Variants in AGBL4 observed in about 807,000 individuals in gnomAD.
The protein encoded by AGBL4 is cytosolic carboxypeptidase 6.
AGBL4 carries 58 observed loss-of-function variants against 66.4 expected under a neutral mutation model. That is an observed-to-expected ratio of 0.87 (90% CI 0.71 to 1.09). The LOEUF is 1.09. AGBL4 is among the 50% of genes least tolerant of loss of function. The pLI, the probability that AGBL4 is intolerant of heterozygous loss-of-function variation, is 0.00. For synonymous variants in AGBL4, 234 were observed against 222.9 expected (o/e 1.05, Z -0.44); for missense variants, 579 against 631.0 (o/e 0.92, Z 0.88).
chr1:49,085,408 C>T (rs1644888292), intron 4 of AGBL4, among the ~76,000 whole-genome samples: 1 of 151,936 alleles, frequency 6.6e-6, no homozygotes, highest in South Asian at 2.1e-4. Flanking sequence ...ATTACATCGC[C>T]AACTTTCTTG....
chr1:48,697,542 T>A (rs57592206), intron 6 of AGBL4, among the ~76,000 whole-genome samples: 7,144 of 152,262 alleles, frequency 0.047, 556 homozygotes, highest in African/African-American at 0.16. Context: ...TGGGTCCCCA[T>A]CTACTGACTT....
At chr1:49,822,976 G>A (rs1645408291) in intron 2 of AGBL4, among the ~76,000 whole-genome samples, 1 of 152,152 alleles carries the variant, frequency 6.6e-6, no homozygotes, top group Non-Finnish European at 1.5e-5. Flanking sequence ...AGAAGTAGAT[G>A]CATCTCCTCT....
At chr1:49,786,611 G>A (rs1421254651) in intron 2 of AGBL4, among the ~76,000 whole-genome samples, 2 of 152,060 alleles carry the variant, frequency 1.3e-5, no homozygotes, top group African/African-American at 4.8e-5. Context: ...TTCATCTCCA[G>A]ACAAAGTTTT....
At chr1:49,640,614 G>T (rs1004137078) in intron 3 of AGBL4, among the ~76,000 whole-genome samples, 6 of 152,070 alleles carry the variant, frequency 3.9e-5, no homozygotes, top group African/African-American at 1.4e-4. Flanking sequence ...CGCTAGCAAA[G>T]GATAATACAA....
intron 2 of AGBL4, among the ~76,000 whole-genome samples, chr1:49,799,385 T>A (rs1259401410): frequency 1.3e-5 from 2 of 152,192 alleles, no homozygotes; most frequent in Non-Finnish European, 2.9e-5. Flanking sequence ...TCACAGAAAT[T>A]ATCTGTCTCT....
intron 6 of AGBL4, among the ~76,000 whole-genome samples, chr1:48,781,447 C>G (rs1645290666): frequency 6.6e-6 from 1 of 152,208 alleles, no homozygotes; most frequent in Admixed American, 6.5e-5. Flanking sequence ...AGTACTTTGA[C>G]CTGGAGACCA....
intron 2 of AGBL4, among the ~76,000 whole-genome samples, chr1:49,698,649 C>A (rs1647031094): frequency 6.6e-6 from 1 of 151,976 alleles, no homozygotes; most frequent in Non-Finnish European, 1.5e-5. Context: ...GAATAATAAA[C>A]AAATAACATA....
chr1:49,730,202 A>C (rs1268740169), intron 2 of AGBL4, among the ~76,000 whole-genome samples: 1 of 151,870 alleles, frequency 6.6e-6, no homozygotes, highest in African/African-American at 2.4e-5. Flanking sequence ...CACTCAATAA[A>C]ATTATTTTCT....
intron 3 of AGBL4, among the ~76,000 whole-genome samples, chr1:49,329,268 T>C (rs1290654108): frequency 1.3e-5 from 2 of 151,746 alleles, no homozygotes; most frequent in East Asian, 1.9e-4. Flanking sequence ...GATCGCACCA[T>C]TGCAATCCAG....
chr1:49,307,052 G>C (rs1373166848), intron 3 of AGBL4, among the ~76,000 whole-genome samples: 1 of 152,138 alleles, frequency 6.6e-6, no homozygotes. Flanking sequence ...CCACAATTTG[G>C]AGTGTACAAA....
chr1:49,996,583 AGAATAATT>A (rs772254294), intron 1 of AGBL4, among the ~76,000 whole-genome samples: 3 of 152,196 alleles, frequency 2.0e-5, no homozygotes, highest in Non-Finnish European at 4.4e-5. Context: ...AACAAGCCTA[AGAATAATT>A]GGTGTACTCA....
chr1:48,677,819 C>G (rs1000096532), intron 6 of AGBL4, among the ~76,000 whole-genome samples: 2 of 152,220 alleles, frequency 1.3e-5, no homozygotes, highest in Non-Finnish European at 2.9e-5. Context: ...AGGGTCCTGT[C>G]AAGCCTCAGG....
intron 3 of AGBL4, among the ~76,000 whole-genome samples, chr1:49,689,117 T>A (rs1401267664): frequency 6.6e-6 from 1 of 152,204 alleles, no homozygotes; most frequent in Non-Finnish European, 1.5e-5. Context: ...TTGCCTATGT[T>A]TGTGGAGTAT....
At position 49,697,349 on chromosome 1, in the gene AGBL4, C is replaced by A. The variant is rs1647006248; in HGVS notation, c.246G>T (p.Trp82Cys). 3.2e-6 allele frequency: 5 copies of A among 1,548,258 alleles called. No individual in the cohort carries two copies. Among genetic ancestry groups the A allele is most frequent in the Non-Finnish European group, 4.4e-6 (5 of 1,144,460 alleles). ...PDTCNPRFRV[W>C]FNFTVENVKE... ...TCACATTTTCAACAGTAAAGTTGAACCAGACTCGGAAGCGTGGATTACAGG... is the reference window on the plus strand; with the variant it reads ...TCACATTTTCAACAGTAAAGTTGAAACAGACTCGGAAGCGTGGATTACAGG... The change falls in exon 3 of 14, where the codon TGG (tryptophan) becomes TGT (cysteine). Residue 82 changes from tryptophan (W) to cysteine (C), a missense_variant. Trp to Cys is a radical substitution (Grantham distance 215). Transcript: ENST00000371839.
intron 2 of AGBL4, among the ~76,000 whole-genome samples, chr1:49,756,424 A>G (rs1282240792): frequency 6.6e-6 from 1 of 152,228 alleles, no homozygotes; most frequent in Non-Finnish European, 1.5e-5. Flanking sequence ...TTGCTCCACA[A>G]TAGATTTGAG....
intron 3 of AGBL4, among the ~76,000 whole-genome samples, chr1:49,606,930 T>C (rs1353585136): frequency 6.6e-6 from 1 of 152,122 alleles, no homozygotes; most frequent in Non-Finnish European, 1.5e-5. Context: ...TGGGCTATGG[T>C]ATCTGGCCCT....
chr1:49,992,565 C>T (rs1388133404), intron 1 of AGBL4, among the ~76,000 whole-genome samples: 1 of 151,574 alleles, frequency 6.6e-6, no homozygotes. Flanking sequence ...AACACAAAAG[C>T]TACTTTACAT....
At chr1:49,655,913 C>G (rs1185659563) in intron 3 of AGBL4, among the ~76,000 whole-genome samples, 1 of 152,138 alleles carries the variant, frequency 6.6e-6, no homozygotes, top group Admixed American at 6.6e-5. Context: ...CTTTGGGAGG[C>G]CGAGGTGGGC....
chr1:49,405,589 C>G (rs545708762), intron 3 of AGBL4, among the ~76,000 whole-genome samples: 1 of 152,268 alleles, frequency 6.6e-6, no homozygotes, highest in African/African-American at 2.4e-5. Flanking sequence ...CTCCAGCTTC[C>G]TAGAGGGCTT....
Sources: gnomAD v4.1 joint callset for allele counts (sites outside exome capture counted in the v4.1 genomes callset) on GRCh38, gnomAD v4.1.1 for gene constraint, MANE v1.5 for transcripts, NCBI Gene and HGNC (gene_info 2026-07-23, HGNC 2026-07-21) for gene names.